The following RBFOX1 variants were observed in gnomAD, a reference collection of about 807,000 sequenced individuals.
RBFOX1 encodes RNA binding fox-1 homolog 1.
Under a neutral mutation model 57.7 loss-of-function variants are expected in RBFOX1, and 8 were observed. The ratio of observed to expected loss-of-function variants is 0.14; its 90% CI spans 0.08 to 0.25. The LOEUF (loss-of-function observed/expected upper bound fraction) is 0.25. Ranked by LOEUF, RBFOX1 falls within the 10% of genes least tolerant of loss-of-function variation. RBFOX1 has a pLI of 1.00. For missense variants in RBFOX1, 611 were observed against 548.5 expected, an observed-to-expected ratio of 1.11 and a Z score of -1.14; for synonymous variants, 326 against 222.4, an observed-to-expected ratio of 1.47 and a Z score of -4.15.
At chr16:7,582,533 A>T (rs1011424554) in intron 6 of RBFOX1, among the ~76,000 whole-genome samples, 8 of 152,090 alleles carry the variant, frequency 5.3e-5, no homozygotes, top group African/African-American at 1.7e-4. Context: ...CGTTCTTGTT[A>T]TAGGATACAT....
At chr16:7,510,177 C>G (rs534279247) in intron 4 of RBFOX1, 1 of 985,834 alleles carries the variant, frequency 1.0e-6, no homozygotes, top group South Asian at 4.7e-5. Flanking sequence ...TCCTCAACAC[C>G]CCGATCATCC....
intron 1 of RBFOX1, among the ~76,000 whole-genome samples, chr16:6,290,998 C>T (rs111468625): frequency 0.024 from 3,623 of 152,200 alleles, 151 homozygotes; most frequent in African/African-American, 0.082. Flanking sequence ...TGATGATATG[C>T]CAAACAAGGG....
At chr16:5,354,994 T>C (rs894804705) in intron 1 of RBFOX1, among the ~76,000 whole-genome samples, 1 of 103,164 alleles carries the variant, frequency 9.7e-6, no homozygotes, top group African/African-American at 2.7e-5. Flanking sequence ...GGTGAAGGGA[T>C]GTGTATGTGT....
chr16:7,371,201 T>C (rs2097559554), intron 4 of RBFOX1, among the ~76,000 whole-genome samples: 1 of 152,220 alleles, frequency 6.6e-6, no homozygotes. Flanking sequence ...TTTACTTCTT[T>C]AACATAACAT....
At chr16:6,573,240 C>T (rs150290354) in intron 2 of RBFOX1, among the ~76,000 whole-genome samples, 1 of 152,254 alleles carries the variant, frequency 6.6e-6, no homozygotes, top group Non-Finnish European at 1.5e-5. Context: ...AGACGTGGGT[C>T]ATGGTGGGTT....
chr16:5,631,317 G>C (rs2048498940), intron 3 of RBFOX1, among the ~76,000 whole-genome samples: 1 of 152,160 alleles, frequency 6.6e-6, no homozygotes, highest in Non-Finnish European at 1.5e-5. Flanking sequence ...CCAGCATTTT[G>C]GGAAGCCGAG....
At chr16:6,710,437 T>G (rs1268505906) in intron 3 of RBFOX1, among the ~76,000 whole-genome samples, 1 of 152,268 alleles carries the variant, frequency 6.6e-6, no homozygotes, top group Non-Finnish European at 1.5e-5. Flanking sequence ...ATTCTTTTTT[T>G]CATCCTAATT....
intron 4 of RBFOX1, among the ~76,000 whole-genome samples, chr16:7,292,619 A>G (rs2095814201): frequency 6.6e-6 from 1 of 151,402 alleles, no homozygotes. Flanking sequence ...AAGAGACCTA[A>G]CAAAGCACGA....
chr16:6,221,738 G>A lies in RBFOX1; in HGVS notation c.-126-95257G>A, dbSNP rs115538240. ...GGAGCAAAGTCACGTCTTATGTGGTGGCTGGCAAAGAAAGCTTGTGCAGAG... is the reference window on the plus strand; with the variant it reads ...GGAGCAAAGTCACGTCTTATGTGGTAGCTGGCAAAGAAAGCTTGTGCAGAG... On this transcript the variant is annotated intron_variant, in intron 1 of 15. Transcript: ENST00000550418. 4.6e-5 allele frequency among the ~76,000 whole-genome samples: 7 copies of A among 152,202 alleles called. 1 individual carries two copies. The highest frequency in any genetic ancestry group is 1.7e-4 in the African/African-American group (7 of 41,518).
intron 2 of RBFOX1, among the ~76,000 whole-genome samples, chr16:6,488,094 A>G (rs954545022): frequency 6.6e-5 from 10 of 152,174 alleles, no homozygotes; most frequent in African/African-American, 2.2e-4. Context: ...ATCAAGGTGC[A>G]CTATTTGCCC....
At chr16:5,990,716 G>C (rs528517051) in intron 4 of RBFOX1, among the ~76,000 whole-genome samples, 4 of 152,114 alleles carry the variant, frequency 2.6e-5, no homozygotes, top group Non-Finnish European at 4.4e-5. Context: ...GCCTGTAATC[G>C]CAACACTTCA....
intron 3 of RBFOX1, among the ~76,000 whole-genome samples, chr16:5,773,875 T>C (rs567486308): frequency 5.9e-5 from 9 of 152,016 alleles, no homozygotes; most frequent in Non-Finnish European, 1.0e-4. Context: ...TTTTTGTATT[T>C]TTAGGAGAGA....
intron 1 of RBFOX1, among the ~76,000 whole-genome samples, chr16:6,044,648 G>C (rs2095476632): frequency 6.6e-6 from 1 of 152,116 alleles, no homozygotes; most frequent in Non-Finnish European, 1.5e-5. Flanking sequence ...GTATCTTCAG[G>C]TGGCTTCCTT....
intron 1 of RBFOX1, among the ~76,000 whole-genome samples, chr16:5,415,626 C>T (rs149469465): frequency 1.3e-3 from 193 of 152,258 alleles, no homozygotes; most frequent in African/African-American, 4.5e-3. Flanking sequence ...AATTTAATAC[C>T]ACTGTTTGGT....
intron 3 of RBFOX1, among the ~76,000 whole-genome samples, chr16:5,751,265 C>G (rs1461536482): frequency 6.6e-6 from 1 of 152,136 alleles, no homozygotes; most frequent in African/African-American, 2.4e-5. Flanking sequence ...CTTCTCAGCT[C>G]TAAACTTCAC....
chr16:5,764,365 G>C (rs1402690712), intron 3 of RBFOX1, among the ~76,000 whole-genome samples: 1 of 152,240 alleles, frequency 6.6e-6, no homozygotes, highest in Non-Finnish European at 1.5e-5. Context: ...TTCTTCACCA[G>C]AAGCTGAGTA....
intron 1 of RBFOX1, among the ~76,000 whole-genome samples, chr16:6,067,371 AAAACAAACCAACCAAAC>A (rs1321073213): frequency 4.8e-5 from 1 of 20,820 alleles, no homozygotes; most frequent in Non-Finnish European, 8.7e-5. Context: ...AATAGAGGCA[AAAACAAACCAACCAAAC>A]AAACAAACAA....
intron 1 of RBFOX1, among the ~76,000 whole-genome samples, chr16:6,276,550 C>T (rs1025738247): frequency 4.3e-4 from 66 of 152,220 alleles, no homozygotes; most frequent in African/African-American, 1.5e-3. Flanking sequence ...ACCGTGTTGG[C>T]CAGGTTGGTC....
intron 2 of RBFOX1, among the ~76,000 whole-genome samples, chr16:6,514,135 T>G (rs1185552817): frequency 3.3e-5 from 5 of 152,144 alleles, no homozygotes; most frequent in Non-Finnish European, 7.4e-5. Context: ...CAGCCCTAGG[T>G]GTCACGTTCC....
Sources: allele counts gnomAD v4.1 joint callset (sites outside exome capture counted in the v4.1 genomes callset), GRCh38; gene constraint gnomAD v4.1.1; transcripts MANE v1.5; gene names NCBI Gene and HGNC (gene_info 2026-07-23, HGNC 2026-07-21).